Variants in MMP27 observed in about 807,000 individuals in gnomAD.
MMP27 encodes the protein matrix metalloproteinase-27.
A neutral mutation model predicts 48.1 loss-of-function variants in MMP27; 51 were observed. The observed-to-expected ratio is 1.06, with a 90% CI of 0.85 to 1.34. The LOEUF is 1.34. MMP27 is among the 40% of genes most tolerant of loss of function. The probability of loss-of-function intolerance (pLI) is 0.00; values close to 1 mark genes in which losing one functional copy is unlikely to be tolerated. For missense variants in MMP27, 698 were observed against 619.3 expected (o/e 1.13, Z -1.35); for synonymous variants, 229 against 208.9 (o/e 1.10, Z -0.83).
intron 4 of MMP27, 23 bp from the exon 5 acceptor site, chr11:102,696,858 C>T (rs368209177): frequency 7.0e-5 from 112 of 1,599,138 alleles, no homozygotes; most frequent in Middle Eastern, 1.7e-4. Flanking sequence ...AGGGAAAACA[C>T]GAGCACATGA....
In MMP27 at chr11:102,692,095, T is replaced by A. The variant is rs904601114; in HGVS notation, c.1298-85A>T. ...TAAATTTTATAAACATGGAAAAAAATAACATTATGGAGAACGAAGAAATTT... is the reference window on the plus strand; with the variant it reads ...TAAATTTTATAAACATGGAAAAAAAAAACATTATGGAGAACGAAGAAATTT... On this transcript the variant is annotated intron_variant, in intron 9 of 9. Coordinates refer to ENST00000260229, the MANE Select transcript of MMP27 (RefSeq NM_022122.3). The A allele has an allele frequency of 2.2e-5, 28 of 1,284,268 alleles. No individual in the cohort carries two copies. In the Admixed American group the frequency reaches 7.7e-4, roughly 35 times the overall value. The allele number at this position is 1,284,268 out of a possible 1,614,324, so 79.6% of individuals were successfully genotyped here.
At position 102,705,473 on chromosome 11, in the gene MMP27, T is replaced by G. The variant is rs777725106; in HGVS notation, c.102+140A>C. On this transcript the variant is annotated intron_variant, in intron 1 of 9. Transcript: ENST00000260229. ...CACAATTTCCTGATATCGTCAGAGA[T>G]AGACAAATGAAAAGCAGTTCCTTCT... 7 of 562,530 alleles carry G rather than the reference T, an allele frequency of 1.2e-5. No homozygotes were observed. In the South Asian group the frequency reaches 1.6e-4, roughly 13 times the overall value. 34.8% of individuals were successfully genotyped at this position (562,530 alleles called of 1,614,324 possible). A position where few individuals can be genotyped will look rare whatever the true frequency, so the allele number is the denominator to read the frequency against.
At chr11:102,698,732 C>CT (rs1565427535) in intron 4 of MMP27, among the ~76,000 whole-genome samples, 1 of 152,086 alleles carries the variant, frequency 6.6e-6, no homozygotes, top group East Asian at 1.9e-4. Context: ...GTCTTCATAC[C>CT]TTTGTCTCTT....
chr11:102,697,026 A>T (rs992754670), intron 4 of MMP27, among the ~76,000 whole-genome samples, 191 bp from the exon 5 acceptor site: 4 of 152,216 alleles, frequency 2.6e-5, no homozygotes, highest in African/African-American at 9.6e-5. Context: ...TGATATGGAT[A>T]TGTTCTGAGA....
At chr11:102,704,877 T>G (rs1047085457) in intron 1 of MMP27, 102 bp from the exon 2 acceptor site, 2 of 630,592 alleles carry the variant, frequency 3.2e-6, no homozygotes, top group South Asian at 2.3e-5. Flanking sequence ...CTTCTGGCAA[T>G]AGGAAAGGGG....
intron 4 of MMP27, among the ~76,000 whole-genome samples, chr11:102,700,260 C>T (rs184508372): frequency 9.8e-4 from 150 of 152,298 alleles, no homozygotes; most frequent in African/African-American, 3.4e-3. Flanking sequence ...GGCCATATGA[C>T]GCTGTAGGTA....
intron 8 of MMP27, 102 bp downstream of exon 8, chr11:102,693,804 A>C: frequency 9.4e-7 from 1 of 1,058,280 alleles, no homozygotes; most frequent in East Asian, 2.9e-5. Context: ...AAAAAAATAA[A>C]AAATATTATG....
intron 1 of MMP27, among the ~76,000 whole-genome samples, chr11:102,705,035 G>C (rs1401748563): frequency 6.6e-6 from 1 of 152,172 alleles, no homozygotes; most frequent in Non-Finnish European, 1.5e-5. Flanking sequence ...AAAGCACGCA[G>C]CTCTTAAACC....
At chr11:102,696,551 C>A (rs1860831843) in intron 5 of MMP27, 60 bp from the exon 6 acceptor site, 1 of 1,599,642 alleles carries the variant, frequency 6.3e-7, no homozygotes, top group Non-Finnish European at 8.5e-7. Context: ...TATGCCTACA[C>A]AAGGGTCTTA....
chr11:102,702,437 A>G (rs1377253288), intron 4 of MMP27, among the ~76,000 whole-genome samples: 1 of 152,184 alleles, frequency 6.6e-6, no homozygotes, highest in Non-Finnish European at 1.5e-5. Context: ...AGGATCATGA[A>G]CCTCTGAAGG....
intron 6 of MMP27, among the ~76,000 whole-genome samples, chr11:102,695,897 G>T (rs560689269): frequency 6.6e-6 from 1 of 152,332 alleles, no homozygotes; most frequent in South Asian, 2.1e-4. Context: ...GTGAGGTGCT[G>T]ACCCATGTTT....
At chr11:102,698,177 T>C (rs187057660) in intron 4 of MMP27, among the ~76,000 whole-genome samples, 1 of 152,330 alleles carries the variant, frequency 6.6e-6, no homozygotes, top group Non-Finnish European at 1.5e-5. Flanking sequence ...TCAAGTATTA[T>C]GTACTTCACA....
At chr11:102,695,555 C>G (rs1415495955) in intron 6 of MMP27, among the ~76,000 whole-genome samples, 4 of 152,124 alleles carry the variant, frequency 2.6e-5, no homozygotes, top group Admixed American at 6.6e-5. Flanking sequence ...GTGAAAAGTC[C>G]TTATATTCCA....
chr11:102,701,807 A>G (rs1453463864), intron 4 of MMP27, among the ~76,000 whole-genome samples: 3 of 152,240 alleles, frequency 2.0e-5, no homozygotes, highest in African/African-American at 7.2e-5. Context: ...GTGAGTGGCC[A>G]TGGACCATTT....
chr11:102,704,061 G>A (rs1860997922), intron 2 of MMP27, among the ~76,000 whole-genome samples: 1 of 152,090 alleles, frequency 6.6e-6, no homozygotes, highest in Non-Finnish European at 1.5e-5. Context: ...TTTTCCTTGA[G>A]ATGTCTGAGG....
chr11:102,698,335 C>T (rs940459490), intron 4 of MMP27, among the ~76,000 whole-genome samples: 3 of 152,222 alleles, frequency 2.0e-5, no homozygotes, highest in Admixed American at 2.0e-4. Flanking sequence ...AATGGGACCA[C>T]TGTCATATCC....
intron 1 of MMP27, among the ~76,000 whole-genome samples, chr11:102,705,247 A>AT (rs971618731): frequency 7.2e-5 from 11 of 152,066 alleles, no homozygotes; most frequent in African/African-American, 1.4e-4. Flanking sequence ...AAAGCAATGT[A>AT]TTTTTTTTCA....
chr11:102,694,207 C>G (rs1591656366), intron 7 of MMP27, 142 bp from the exon 8 acceptor site: 1 of 499,662 alleles, frequency 2.0e-6, no homozygotes, highest in African/African-American at 2.0e-5. Flanking sequence ...ATTCCTACCA[C>G]TTTCTTTAGC....
At chr11:102,697,561 G>A (rs2134267674) in intron 4 of MMP27, among the ~76,000 whole-genome samples, 1 of 152,174 alleles carries the variant, frequency 6.6e-6, no homozygotes, top group South Asian at 2.1e-4. Context: ...GGCTGGAGTG[G>A]TGTGATTACA....
Sources: allele counts gnomAD v4.1 joint callset (sites outside exome capture counted in the v4.1 genomes callset), GRCh38; gene constraint gnomAD v4.1.1; transcripts MANE v1.5; gene names NCBI Gene and HGNC (gene_info 2026-07-23, HGNC 2026-07-21).